ITGBL1: variants seen among roughly 807,000 people sequenced by gnomAD.
ITGBL1 encodes integrin subunit beta like 1.
Under a neutral mutation model 68.5 loss-of-function variants are expected in ITGBL1, and 51 were observed. The observed-to-expected ratio is 0.74, with a 90% confidence interval of 0.59 to 0.94. The LOEUF (loss-of-function observed/expected upper bound fraction) is 0.94. Ranked by LOEUF, ITGBL1 falls within the 40% of genes least tolerant of loss-of-function variation. The pLI, the probability that ITGBL1 is intolerant of heterozygous loss-of-function variation, is 0.00. For missense variants in ITGBL1, 649 were observed against 647.4 expected, an observed-to-expected ratio of 1.00 and a Z score of -0.03; for synonymous variants, 209 against 227.3, an observed-to-expected ratio of 0.92 and a Z score of 0.72.
intron 2 of ITGBL1, among the ~76,000 whole-genome samples, chr13:101,467,042 A>G (rs919932967): frequency 3.9e-5 from 6 of 152,152 alleles, no homozygotes; most frequent in African/African-American, 1.4e-4. Context: ...TGGCAACTGT[A>G]TCCTCACATG....
chr13:101,566,366 G>C (rs191380916), intron 2 of ITGBL1, among the ~76,000 whole-genome samples: 1 of 152,112 alleles, frequency 6.6e-6, no homozygotes, highest in Non-Finnish European at 1.5e-5. Flanking sequence ...ATGATACCAA[G>C]TTGGGCAAGA....
At chr13:101,544,631 G>A (rs9919872) in intron 2 of ITGBL1, among the ~76,000 whole-genome samples, 198 of 152,294 alleles carry the variant, frequency 1.3e-3, no homozygotes, top group African/African-American at 4.4e-3. Context: ...CCTTTTGTTT[G>A]GCTATGCCCC....
At chr13:101,521,745 C>A (rs906421205) in intron 2 of ITGBL1, among the ~76,000 whole-genome samples, 1 of 152,158 alleles carries the variant, frequency 6.6e-6, no homozygotes, top group Admixed American at 6.5e-5. Flanking sequence ...CTGATGTATC[C>A]ATTTACAATC....
intron 3 of ITGBL1, among the ~76,000 whole-genome samples, chr13:101,571,308 C>G (rs1045499013): frequency 6.6e-6 from 1 of 152,084 alleles, no homozygotes; most frequent in African/African-American, 2.4e-5. Context: ...CACCCCTCTC[C>G]ACTTCCCCCC....
At chr13:101,669,103 C>A (rs544926865) in intron 7 of ITGBL1, among the ~76,000 whole-genome samples, 75 of 150,406 alleles carry the variant, frequency 5.0e-4, no homozygotes, top group African/African-American at 1.8e-3. Flanking sequence ...AAGTAAGATA[C>A]CTTTTTCGTT....
intron 7 of ITGBL1, among the ~76,000 whole-genome samples, chr13:101,646,673 C>A (rs1306015708): frequency 6.6e-6 from 1 of 151,954 alleles, no homozygotes; most frequent in Non-Finnish European, 1.5e-5. Context: ...TTAATACAAT[C>A]TTTGAAATTT....
At chr13:101,483,535 TC>T (rs1363607850) in intron 2 of ITGBL1, among the ~76,000 whole-genome samples, 1 of 152,204 alleles carries the variant, frequency 6.6e-6, no homozygotes, top group Admixed American at 6.5e-5. Flanking sequence ...AGAAAAATGT[TC>T]ACTTGCACAG....
In ITGBL1 at chr13:101,498,133, C is replaced by CT. The variant is rs747281706; in HGVS notation, c.316+44041dup. On this transcript the variant is annotated intron_variant, in intron 2 of 10. Transcript: ENST00000376180. ...ACTTTAAATTTTTGTTGCACTTTTT[C>CT]TTTTTTTTAAATTTTGTACCAAAAA... Among the ~76,000 whole-genome samples the CT allele has an allele frequency of 4.5e-4, 68 of 151,798 alleles. 1 individual carries two copies. Among genetic ancestry groups the CT allele is most frequent in the Admixed American group, 3.3e-4 (5 of 15,252 alleles).
intron 9 of ITGBL1, among the ~76,000 whole-genome samples, chr13:101,709,087 C>T (rs540893518): frequency 5.3e-5 from 8 of 152,208 alleles, no homozygotes; most frequent in South Asian, 2.1e-4. Flanking sequence ...AGCAGGAGGC[C>T]GGGCGCGGTG....
intron 4 of ITGBL1, among the ~76,000 whole-genome samples, chr13:101,576,361 C>G (rs768335404): frequency 1.5e-4 from 23 of 152,206 alleles, no homozygotes; most frequent in Admixed American, 2.6e-4. Context: ...TCACCACTTG[C>G]AGTTTTCATC....
chr13:101,543,660 C>G (rs1459757478), intron 2 of ITGBL1, among the ~76,000 whole-genome samples: 1 of 152,210 alleles, frequency 6.6e-6, no homozygotes, highest in Non-Finnish European at 1.5e-5. Flanking sequence ...TGTTTTCCAA[C>G]TTGGTTCCAT....
chr13:101,478,861 A>G (rs902349979), intron 2 of ITGBL1, among the ~76,000 whole-genome samples: 4 of 152,116 alleles, frequency 2.6e-5, no homozygotes, highest in Admixed American at 1.3e-4. Flanking sequence ...AGAAGACTCA[A>G]TATTGTTAAA....
intron 2 of ITGBL1, among the ~76,000 whole-genome samples, chr13:101,479,409 TTGAG>T (rs1176859914): frequency 6.6e-6 from 1 of 152,062 alleles, no homozygotes; most frequent in East Asian, 1.9e-4. Flanking sequence ...CAAAGATTTC[TTGAG>T]TAATACCCCA....
intron 7 of ITGBL1, among the ~76,000 whole-genome samples, chr13:101,600,010 CT>C (rs2030255697): frequency 1.3e-5 from 2 of 152,198 alleles, no homozygotes; most frequent in Admixed American, 1.3e-4. Flanking sequence ...GGCATTGAAT[CT>C]GTAAAGTACC....
intron 2 of ITGBL1, among the ~76,000 whole-genome samples, chr13:101,533,155 A>G (rs1006969289): frequency 2.6e-5 from 4 of 152,160 alleles, no homozygotes; most frequent in Admixed American, 2.6e-4. Context: ...TGTAGGGTGA[A>G]AGTTCCTCAG....
At chr13:101,543,258 G>T (rs1436130917) in intron 2 of ITGBL1, among the ~76,000 whole-genome samples, 1 of 152,116 alleles carries the variant, frequency 6.6e-6, no homozygotes, top group Non-Finnish European at 1.5e-5. Context: ...GCCTGGTGGT[G>T]ACAAAATCTC....
intron 6 of ITGBL1, among the ~76,000 whole-genome samples, chr13:101,591,320 C>A (rs907138842): frequency 1.3e-5 from 2 of 151,878 alleles, no homozygotes; most frequent in African/African-American, 2.4e-5. Context: ...AAAGTCTAAT[C>A]ATATTCATAT....
rs145012525 is a variant in ITGBL1 at position 101,712,605 on chromosome 13, A to G, written c.1280-1833A>G. ...CACTACTTTAGAAACAACTAAAGAC[A>G]GCCAAATACTTCAAATAACTAATTT... On this transcript the variant is annotated intron_variant, in intron 9 of 10. Coordinates refer to ENST00000376180, the MANE Select transcript of ITGBL1 (RefSeq NM_004791.3). 3 of 152,362 alleles carry G rather than the reference A, an allele frequency of 2.0e-5. No homozygotes were observed. In the East Asian group the frequency reaches 5.8e-4, roughly 29 times the overall value. The allele number at this position is 152,362 out of a possible 1,614,324, so 9.4% of individuals were successfully genotyped here.
At chr13:101,548,083 C>T (rs937778993) in intron 2 of ITGBL1, among the ~76,000 whole-genome samples, 6 of 151,560 alleles carry the variant, frequency 4.0e-5, no homozygotes, top group Admixed American at 3.3e-4. Context: ...CACAGATAAA[C>T]ATAAAACTTT....
Sources: gnomAD v4.1 joint callset for allele counts (sites outside exome capture counted in the v4.1 genomes callset) on GRCh38, gnomAD v4.1.1 for gene constraint, MANE v1.5 for transcripts, NCBI Gene and HGNC (gene_info 2026-07-23, HGNC 2026-07-21) for gene names.